IRAK1BP1: variants seen among roughly 807,000 people sequenced by gnomAD.
IRAK1BP1 encodes interleukin-1 receptor-associated kinase 1-binding protein 1.
In IRAK1BP1, 24 loss-of-function variants were observed where a neutral mutation model predicts 28.0. That is an observed-to-expected ratio of 0.86 (90% CI 0.62 to 1.20). The LOEUF is 1.20. Among genes scored for constraint, IRAK1BP1 ranks in the 50% most tolerant of loss-of-function variants. The pLI is 0.00. For missense variants in IRAK1BP1, 336 were observed against 316.7 expected, an observed-to-expected ratio of 1.06 and a Z score of -0.46; for synonymous variants, 131 against 116.3, an observed-to-expected ratio of 1.13 and a Z score of -0.81.
At chr6:78,874,821 A>C (rs554364073) in intron 1 of IRAK1BP1, among the ~76,000 whole-genome samples, 20 of 152,228 alleles carry the variant, frequency 1.3e-4, no homozygotes, top group Non-Finnish European at 2.8e-4. Flanking sequence ...ACTCTTCTAG[A>C]CATTGACCTA....
chr6:78,872,463 T>C (rs1770826661), intron 1 of IRAK1BP1, among the ~76,000 whole-genome samples: 1 of 152,214 alleles, frequency 6.6e-6, no homozygotes, highest in Non-Finnish European at 1.5e-5. Context: ...ATGTCCTTAA[T>C]TACAGGTTAA....
At chr6:78,961,880 G>T in the IRAK1BP1 span, 2 of 1,247,456 alleles carry the variant, frequency 1.6e-6, no homozygotes, top group Non-Finnish European at 2.2e-6. Flanking sequence ...AATTCTGCTT[G>T]AATTAAGACT....
rs956618211 is a variant in IRAK1BP1, at chr6:78,943,713, G to A, written c.*68-1695G>A. On this transcript the variant is annotated intron_variant and NMD_transcript_variant, in intron 4 of 4. Coordinates refer to the IRAK1BP1 transcript ENST00000606868. ...TAAAGATGGAAGTGCTTGGCTGGGCGTGGTGGCTCACATCTGAAATCACAA... is the reference window on the plus strand; with the variant it reads ...TAAAGATGGAAGTGCTTGGCTGGGCATGGTGGCTCACATCTGAAATCACAA... Among the ~76,000 whole-genome samples the A allele has an allele frequency of 1.5e-4, 23 of 152,178 alleles. No individual in the cohort carries two copies. In the East Asian group the frequency reaches 1.5e-3, roughly 10 times the overall value.
In IRAK1BP1 at chr6:78,899,598, G is replaced by C; in HGVS notation, c.*1264G>C. 6.6e-6 allele frequency: 1 copy of C among 151,924 alleles called. No homozygotes were observed. The highest frequency in any genetic ancestry group is 1.5e-5 in the Non-Finnish European group (1 of 68,006). 9.4% of individuals were successfully genotyped at this position (151,924 alleles called of 1,614,324 possible). On this transcript the variant is annotated 3_prime_UTR_variant, in exon 4 of 4. Coordinates refer to ENST00000369940, the MANE Select transcript of IRAK1BP1 (RefSeq NM_001010844.4). ...ATGTTTTTTTATTTTTCTTTTTCGA[G>C]ATGGAGTCTTTCTCTGTCGCCCAAG...
intron 2 of IRAK1BP1, among the ~76,000 whole-genome samples, chr6:78,889,530 AC>A (rs1771555055): frequency 6.6e-6 from 1 of 151,866 alleles, no homozygotes; most frequent in African/African-American, 2.4e-5. Context: ...TATCCATCTG[AC>A]AAAGGGCTAA....
intron 4 of IRAK1BP1, among the ~76,000 whole-genome samples, chr6:78,933,668 CTTTTTTT>C (rs35416532): frequency 8.8e-5 from 12 of 136,622 alleles, no homozygotes; most frequent in African/African-American, 3.0e-4. Flanking sequence ...TAGCTTCCAA[CTTTTTTT>C]TTTTTTTTTT....
intron 4 of IRAK1BP1, among the ~76,000 whole-genome samples, chr6:78,913,243 G>A (rs1254244121): frequency 6.6e-6 from 1 of 151,842 alleles, no homozygotes; most frequent in East Asian, 1.9e-4. Flanking sequence ...GCTGAGGCAG[G>A]AGAATCCCTT....
the IRAK1BP1 span, among the ~76,000 whole-genome samples, chr6:78,976,692 A>C: frequency 2.0e-5 from 3 of 148,662 alleles, no homozygotes; most frequent in Middle Eastern, 3.6e-3. Context: ...AAAAACAAAC[A>C]ACCACATCAA....
At chr6:78,960,080 A>G in the IRAK1BP1 span, among the ~76,000 whole-genome samples, 1 of 152,180 alleles carries the variant, frequency 6.6e-6, no homozygotes, top group African/African-American at 2.4e-5. Context: ...CAGCATCATG[A>G]AAGAGTACAT....
chr6:78,978,580 C>T, the IRAK1BP1 span: 1 of 1,564,710 alleles, frequency 6.4e-7, no homozygotes. Flanking sequence ...TAATTTAAAA[C>T]TTTTAAAGTA....
chr6:78,916,327 A>G (rs1430037311), intron 4 of IRAK1BP1, among the ~76,000 whole-genome samples: 1 of 152,044 alleles, frequency 6.6e-6, no homozygotes, highest in Non-Finnish European at 1.5e-5. Context: ...TGTGTAGTGC[A>G]AGAAGGTCCT....
At chr6:78,878,604 T>C (rs537828600) in intron 1 of IRAK1BP1, among the ~76,000 whole-genome samples, 1 of 152,290 alleles carries the variant, frequency 6.6e-6, no homozygotes, top group East Asian at 1.9e-4. Flanking sequence ...TCCAAAGGAA[T>C]GCAGCTCCTC....
chr6:78,972,968 C>T, the IRAK1BP1 span, among the ~76,000 whole-genome samples: 45 of 140,080 alleles, frequency 3.2e-4, 1 homozygote, highest in Non-Finnish European at 9.7e-5. Flanking sequence ...ATATTATCCA[C>T]GAGAATTTCC....
chr6:78,948,394 C>T (rs1471156590), downstream of IRAK1BP1, among the ~76,000 whole-genome samples: 1 of 152,136 alleles, frequency 6.6e-6, no homozygotes, highest in African/African-American at 2.4e-5. Flanking sequence ...AATAAAAACA[C>T]ACACGTGAAA....
At chr6:78,893,310 GTGTGTATA>G (rs1368014840) in intron 2 of IRAK1BP1, among the ~76,000 whole-genome samples, 203 of 71,088 alleles carry the variant, frequency 2.9e-3, no homozygotes, top group African/African-American at 8.3e-3. Context: ...GTGTGTGTGT[GTGTGTATA>G]TATATATATA....
the IRAK1BP1 span, among the ~76,000 whole-genome samples, chr6:78,967,114 AC>A: frequency 2.6e-5 from 4 of 152,174 alleles, no homozygotes; most frequent in Admixed American, 2.0e-4. Flanking sequence ...TCATTTTCTT[AC>A]CAAAAAGGAT....
At chr6:78,977,509 A>G in the IRAK1BP1 span, among the ~76,000 whole-genome samples, 1 of 152,148 alleles carries the variant, frequency 6.6e-6, no homozygotes, top group Non-Finnish European at 1.5e-5. Context: ...CATGTACCCT[A>G]AAACTTAAAT....
In IRAK1BP1 at chr6:78,900,327, A is replaced by G. The variant is rs111912827; in HGVS notation, c.*1993A>G. 1.5e-3 allele frequency: 225 copies of G among 152,348 alleles called. 3 individuals carry two copies. The highest frequency in any genetic ancestry group is 5.1e-3 in the African/African-American group (213 of 41,580). 9.4% of individuals were successfully genotyped at this position (152,348 alleles called of 1,614,324 possible). On this transcript the variant is annotated 3_prime_UTR_variant, in exon 4 of 4. Coordinates refer to ENST00000369940, the MANE Select transcript of IRAK1BP1 (RefSeq NM_001010844.4). ...ATGCAGCATAGGCTTTCCATTCTCT[A>G]TACATCTAGGTCATAGAGTTTTTCC... is the stretch of plus-strand genomic sequence containing the variant.
At chr6:78,959,707 T>C in the IRAK1BP1 span, among the ~76,000 whole-genome samples, 20 of 152,280 alleles carry the variant, frequency 1.3e-4, no homozygotes, top group East Asian at 1.9e-3. Flanking sequence ...CATGTAAGTA[T>C]TGTCTTTCAA....
Sources: gnomAD v4.1 joint callset for allele counts (sites outside exome capture counted in the v4.1 genomes callset) on GRCh38, gnomAD v4.1.1 for gene constraint, MANE v1.5 for transcripts, NCBI Gene and HGNC (gene_info 2026-07-23, HGNC 2026-07-21) for gene names.